MEIKIN: variants seen among roughly 807,000 people sequenced by gnomAD.
The protein encoded by MEIKIN is meiotic kinetochore factor, also known as meiosis-specific kinetochore protein.
Position 131,927,911 on chromosome 5 carries a change from C to T in MEIKIN, c.478+5602G>A, listed in dbSNP as rs536354874. Among the ~76,000 whole-genome samples the T allele has an allele frequency of 1.6e-4, 25 of 151,880 alleles. 1 individual carries two copies. The highest frequency in any genetic ancestry group is 1.3e-3 in the Admixed American group (20 of 15,224). ...CTGTAATCCCAGCACTTTGGGAGTCCGAGACGGGCGGATCACGAGGTCAGG... is the reference window on the plus strand; with the variant it reads ...CTGTAATCCCAGCACTTTGGGAGTCTGAGACGGGCGGATCACGAGGTCAGG... On this transcript the variant is annotated intron_variant, in intron 5 of 12. Transcript: ENST00000442687.
intron 12 of MEIKIN, among the ~76,000 whole-genome samples, chr5:131,807,556 C>A (rs17171872): frequency 0.076 from 11,506 of 152,282 alleles, 902 homozygotes; most frequent in African/African-American, 0.2. Context: ...GAGCCTTTAA[C>A]CCCAGCCTTG....
intron 5 of MEIKIN, among the ~76,000 whole-genome samples, chr5:131,931,067 T>C (rs1337043216): frequency 1.3e-5 from 2 of 152,328 alleles, no homozygotes; most frequent in Admixed American, 6.5e-5. Context: ...ATCTACGCAT[T>C]AGAAAATAAC....
Position 131,885,366 on chromosome 5 carries a change from AGAGAGAG to A in MEIKIN, c.704-6325_704-6319del, listed in dbSNP as rs1750769627. 2.4e-3 allele frequency among the ~76,000 whole-genome samples: 166 copies of A among 69,060 alleles called. 11 individuals carry two copies. The highest frequency in any genetic ancestry group is 4.9e-3 in the South Asian group (9 of 1,830). 45.3% of individuals were successfully genotyped at this position (69,060 alleles called of 152,430 possible). A position where few individuals can be genotyped will look rare whatever the true frequency, so the allele number is the denominator to read the frequency against. On this transcript the variant is annotated intron_variant, in intron 8 of 12. Coordinates refer to ENST00000442687, the MANE Select transcript of MEIKIN (RefSeq NM_001303622.2). ...AAGAGAGAGAGAGAGAGAGAGAGAG[AGAGAGAG>A]AGAGAGAGAGAGAGAGAGAGAGAGA...
rs1000325631 is a variant in MEIKIN, at chr5:131,892,409, C to G, written c.704-13361G>C. Reference sequence around the variant, plus strand: ...TCCCATATTTCTTGGAGGCTTTGTTCGTTTCTTTTTATTCTTTTTTCTCTA... The same window carrying G: ...TCCCATATTTCTTGGAGGCTTTGTTGGTTTCTTTTTATTCTTTTTTCTCTA... On this transcript the variant is annotated intron_variant, in intron 8 of 12. Coordinates refer to ENST00000442687, the MANE Select transcript of MEIKIN (RefSeq NM_001303622.2). Among the ~76,000 whole-genome samples, 4 of 152,052 alleles carry G rather than the reference C, an allele frequency of 2.6e-5. No individual in the cohort carries two copies. The South Asian group carries it at 8.3e-4, about 32-fold the overall frequency.
intron 8 of MEIKIN, among the ~76,000 whole-genome samples, chr5:131,908,956 T>C: frequency 6.6e-6 from 1 of 152,186 alleles, no homozygotes; most frequent in Non-Finnish European, 1.5e-5. Context: ...ATATTCCATG[T>C]TCATGGACTG....
chr5:131,888,810 C>T (rs1350370201), intron 8 of MEIKIN, among the ~76,000 whole-genome samples: 1 of 152,142 alleles, frequency 6.6e-6, no homozygotes, highest in African/African-American at 2.4e-5. Context: ...AATGGTATTG[C>T]CTAGGTTTTC....
intron 11 of MEIKIN, among the ~76,000 whole-genome samples, chr5:131,840,745 G>C (rs1749890779): frequency 6.6e-6 from 1 of 152,068 alleles, no homozygotes; most frequent in Non-Finnish European, 1.5e-5. Flanking sequence ...GTTAGCTCCT[G>C]TATCATTTTA....
At chr5:131,827,654 A>C (rs918866047) in intron 11 of MEIKIN, among the ~76,000 whole-genome samples, 1 of 152,238 alleles carries the variant, frequency 6.6e-6, no homozygotes, top group Non-Finnish European at 1.5e-5. Context: ...AAACAGGTTC[A>C]GTACACCAGA....
At chr5:131,822,252 T>A (rs1219242236) in intron 11 of MEIKIN, among the ~76,000 whole-genome samples, 1 of 152,178 alleles carries the variant, frequency 6.6e-6, no homozygotes. Flanking sequence ...AGCCACTCTA[T>A]GTTTTTTCAT....
intron 5 of MEIKIN, among the ~76,000 whole-genome samples, chr5:131,931,249 A>G (rs1490260959): frequency 6.6e-6 from 1 of 152,218 alleles, no homozygotes; most frequent in Admixed American, 6.5e-5. Context: ...GACAGAAGGT[A>G]GTCCCAAGAA....
intron 9 of MEIKIN, among the ~76,000 whole-genome samples, chr5:131,861,339 G>A (rs1039385249): frequency 5.9e-5 from 9 of 152,032 alleles, no homozygotes; most frequent in African/African-American, 2.2e-4. Context: ...CAGGAGCCAA[G>A]ATTGCACCAT....
At chr5:131,941,142 CTTTTTTTTTTTTTT>C (rs397999274) in intron 4 of MEIKIN, among the ~76,000 whole-genome samples, 30 of 59,662 alleles carry the variant, frequency 5.0e-4, no homozygotes, top group African/African-American at 1.7e-3. Flanking sequence ...AGATCTCTTC[CTTTTTTTTTTTTTT>C]TTTTTTTTTT....
At chr5:131,897,565 C>T (rs1426273301) in intron 8 of MEIKIN, among the ~76,000 whole-genome samples, 1 of 152,172 alleles carries the variant, frequency 6.6e-6, no homozygotes, top group Admixed American at 6.5e-5. Flanking sequence ...TCCCAGAAGC[C>T]TCTTGGAGGC....
chr5:131,912,573 A>T (rs965769370), intron 7 of MEIKIN, among the ~76,000 whole-genome samples: 2 of 152,100 alleles, frequency 1.3e-5, no homozygotes, highest in Non-Finnish European at 2.9e-5. Context: ...CAAATGTGAG[A>T]AGGGAATTTT....
At chr5:131,939,106 G>A (rs936130362) in intron 4 of MEIKIN, among the ~76,000 whole-genome samples, 1 of 152,142 alleles carries the variant, frequency 6.6e-6, no homozygotes, top group Non-Finnish European at 1.5e-5. Context: ...TTCCTCCCCG[G>A]CCACTGCTAG....
In MEIKIN at chr5:131,870,769, C is replaced by G. The variant is rs143581544; in HGVS notation, c.774+8209G>C. On this transcript the variant is annotated intron_variant, in intron 9 of 12. Coordinates refer to ENST00000442687, the MANE Select transcript of MEIKIN (RefSeq NM_001303622.2). ...AATACATGCCTATTTCTTGATCTCT[C>G]CTATCAAACACCCTAGTCAAAGCCA... Among the ~76,000 whole-genome samples the G allele has an allele frequency of 3.2e-3, 485 of 152,258 alleles. 3 individuals are homozygous for G. Among genetic ancestry groups the G allele is most frequent in the African/African-American group, 0.011 (462 of 41,560 alleles).
intron 8 of MEIKIN, among the ~76,000 whole-genome samples, chr5:131,895,493 A>T (rs1751023115): frequency 6.6e-6 from 1 of 152,176 alleles, no homozygotes; most frequent in South Asian, 2.1e-4. Context: ...CTCTGGTAGA[A>T]TTCAACTGGG....
intron 9 of MEIKIN, among the ~76,000 whole-genome samples, chr5:131,871,191 C>T (rs1750488205): frequency 6.6e-6 from 1 of 152,184 alleles, no homozygotes; most frequent in South Asian, 2.1e-4. Context: ...CAAGCCGAAG[C>T]AGGGCAAGGA....
Position 131,924,616 on chromosome 5 carries a change from CTG to C in MEIKIN, c.479-2677_479-2676del, listed in dbSNP as rs565418758. On this transcript the variant is annotated intron_variant, in intron 5 of 12. Transcript: ENST00000442687. ...TTCATATACTTGCTGGCTATTGCTGCTGCTGCTTTGGAGAAATATCTATTCAA... is the reference window on the plus strand; with the variant it reads ...TTCATATACTTGCTGGCTATTGCTGCCTGCTTTGGAGAAATATCTATTCAA... 5.2e-4 allele frequency among the ~76,000 whole-genome samples: 79 copies of C among 152,210 alleles called. 1 individual carries two copies. Among genetic ancestry groups the C allele is most frequent in the African/African-American group, 1.7e-3 (71 of 41,548 alleles).
Sources: allele counts gnomAD v4.1 joint callset (sites outside exome capture counted in the v4.1 genomes callset), GRCh38; gene constraint gnomAD v4.1.1; transcripts MANE v1.5; gene names NCBI Gene and HGNC (gene_info 2026-07-23, HGNC 2026-07-21).